ZEB2: variants seen among roughly 807,000 people sequenced by gnomAD.
ZEB2 encodes zinc finger E-box-binding homeobox 2.
In ZEB2, 6 loss-of-function variants were observed where a neutral mutation model predicts 99.9. The observed-to-expected ratio is 0.06, with a 90% confidence interval of 0.03 to 0.12. The LOEUF (loss-of-function observed/expected upper bound fraction) is 0.12, where lower values mean the gene tolerates loss of function less well. Ranked by LOEUF, ZEB2 falls within the 10% of genes least tolerant of loss-of-function variation. ZEB2 has a pLI of 1.00. For missense variants in ZEB2, 969 were observed against 1,502.8 expected, an observed-to-expected ratio of 0.64 and a Z score of 5.87; for synonymous variants, 517 against 542.5, an observed-to-expected ratio of 0.95 and a Z score of 0.65.
At chr2:144,462,331 A>C (rs1463055513) in intron 2 of ZEB2, 2 of 152,130 alleles carry the variant, frequency 1.3e-5, no homozygotes, top group African/African-American at 2.4e-5. Flanking sequence ...ATACAGTTTT[A>C]ACATGCCTGA....
chr2:144,396,400 A>T lies in ZEB2; in HGVS notation c.3067+12T>A. ...CGGGAAGCTCTAACCAGTTAGGCAA[A>T]GTCACTCATACCTGTGTGTTCGTAT... On this transcript the variant is annotated intron_variant, in intron 9 of 9. Coordinates refer to ENST00000627532, the MANE Select transcript of ZEB2 (RefSeq NM_014795.4). 6.2e-7 allele frequency: 1 copy of T among 1,612,754 alleles called. No homozygotes were observed. The highest frequency in any genetic ancestry group is 8.5e-7 in the Non-Finnish European group (1 of 1,179,938).
At position 144,385,578 on chromosome 2, in the gene ZEB2, A is replaced by G. The variant is rs1049398448; in HGVS notation, c.*3873T>C. ...TTGAATGTTTTTACATGTACATGGG[A>G]TCACATAGTCAAATAAATGCAGCTG... On this transcript the variant is annotated 3_prime_UTR_variant, in exon 10 of 10. Coordinates refer to ENST00000627532, the MANE Select transcript of ZEB2 (RefSeq NM_014795.4). 4 of 152,168 alleles carry G rather than the reference A, an allele frequency of 2.6e-5. No homozygotes were observed. The highest frequency in any genetic ancestry group is 5.9e-5 in the Non-Finnish European group (4 of 68,022). The allele number at this position is 152,168 out of a possible 1,614,324, so 9.4% of individuals were successfully genotyped here. A position where few individuals can be genotyped will look rare whatever the true frequency, so the allele number is the denominator to read the frequency against.
chr2:144,466,086 C>T (rs1040784662), intron 2 of ZEB2, among the ~76,000 whole-genome samples: 2 of 152,194 alleles, frequency 1.3e-5, no homozygotes, highest in African/African-American at 4.8e-5. Flanking sequence ...TCTCTTTTCG[C>T]AACCAAATGC....
intron 2 of ZEB2, among the ~76,000 whole-genome samples, chr2:144,460,220 G>A (rs557212181): frequency 7.9e-5 from 12 of 152,234 alleles, no homozygotes; most frequent in Admixed American, 3.3e-4. Context: ...CCATGGACAC[G>A]TCAGTGTTGT....
chr2:144,435,605 A>C (rs1485236391), intron 2 of ZEB2, among the ~76,000 whole-genome samples: 1 of 152,008 alleles, frequency 6.6e-6, no homozygotes, highest in Non-Finnish European at 1.5e-5. Flanking sequence ...TCTTTAAAAA[A>C]AAAAAAAAAA....
chr2:144,391,216 T>C (rs563732837), intron 9 of ZEB2, among the ~76,000 whole-genome samples: 7 of 152,236 alleles, frequency 4.6e-5, no homozygotes, highest in Admixed American at 3.9e-4. Flanking sequence ...TGTTATTGAA[T>C]GCCTCCAGGG....
chr2:144,442,988 T>C (rs1382615413), intron 2 of ZEB2, among the ~76,000 whole-genome samples: 2 of 152,180 alleles, frequency 1.3e-5, no homozygotes, highest in Non-Finnish European at 2.9e-5. Flanking sequence ...TTCAATGATA[T>C]TTAATTTTCA....
chr2:144,501,251 TG>T (rs1241323281), intron 2 of ZEB2, among the ~76,000 whole-genome samples: 1 of 152,156 alleles, frequency 6.6e-6, no homozygotes, highest in Non-Finnish European at 1.5e-5. Context: ...TACACTGCAT[TG>T]GTATCGTAGG....
At position 144,399,639 on chromosome 2, in the gene ZEB2, C is replaced by A; in HGVS notation, c.1548G>T (p.Val516=). Residue 516 remains valine, a synonymous_variant, in exon 8 of 10, where the codon GTG becomes GTT. Transcript: ENST00000627532. The surrounding 1 kb of genome is among the most constrained non-coding windows in gnomAD (Gnocchi z 5.6). ...PNIPPVGLPV[V]SHNGATKSII... is the part of the protein sequence containing the mutation. ...TACTTTTAGTGGCACCATTATGACTCACTACCGGAAGACCGACAGGCGGAA... is the reference window on the plus strand; with the variant it reads ...TACTTTTAGTGGCACCATTATGACTAACTACCGGAAGACCGACAGGCGGAA... 1 of 1,614,192 alleles carries A rather than the reference C, an allele frequency of 6.2e-7. No homozygotes were observed. The highest frequency in any genetic ancestry group is 1.1e-5 in the South Asian group (1 of 91,084).
intron 2 of ZEB2, among the ~76,000 whole-genome samples, chr2:144,478,221 C>G (rs1294981592): frequency 6.6e-6 from 1 of 152,220 alleles, no homozygotes; most frequent in African/African-American, 2.4e-5. Context: ...TAGGTAATTA[C>G]TTGAATCAAG....
At position 144,497,643 on chromosome 2, in the gene ZEB2, T is replaced by C. The variant is rs12691693; in HGVS notation, c.73+19635A>G. 0.54 allele frequency: 89,869 copies of C among 165,696 alleles called. 25,307 individuals carry two copies. The highest frequency in any genetic ancestry group is 0.62 in the Non-Finnish European group (42,130 of 67,946). 10.3% of individuals were successfully genotyped at this position (165,696 alleles called of 1,614,324 possible). A position where few individuals can be genotyped will look rare whatever the true frequency, so the allele number is the denominator to read the frequency against. On this transcript the variant is annotated intron_variant, in intron 2 of 9. Transcript: ENST00000627532. Reference sequence around the variant, plus strand: ...TTCAAAGAGGTGATGCTTGTAATAATAGCAGAATGAACTGAGTTAAGCTCA... The same window carrying C: ...TTCAAAGAGGTGATGCTTGTAATAACAGCAGAATGAACTGAGTTAAGCTCA...
intron 2 of ZEB2, among the ~76,000 whole-genome samples, chr2:144,472,970 C>A (rs1704379445): frequency 6.6e-6 from 1 of 151,750 alleles, no homozygotes. Flanking sequence ...ATGAATGGAC[C>A]AAAAACATAG....
intron 2 of ZEB2, among the ~76,000 whole-genome samples, chr2:144,482,567 C>T (rs143698087): frequency 2.7e-4 from 41 of 152,288 alleles, no homozygotes; most frequent in African/African-American, 9.4e-4. Flanking sequence ...TTCACATTTA[C>T]CATCATCCTC....
In ZEB2 at chr2:144,402,320, GC is replaced by G. The variant is rs1339877274; in HGVS notation, c.808-1014del. ...ACAGCACAGAAACGGTATGACAACT[GC>G]TAGGGTGTGCTGAATCTTCCCACAT... On this transcript the variant is annotated intron_variant, in intron 6 of 9. Coordinates refer to ENST00000627532, the MANE Select transcript of ZEB2 (RefSeq NM_014795.4). Among the ~76,000 whole-genome samples the G allele has an allele frequency of 2.6e-5, 4 of 152,272 alleles. No individual in the cohort carries two copies. In the East Asian group the frequency reaches 5.8e-4, roughly 22 times the overall value.
intron 2 of ZEB2, among the ~76,000 whole-genome samples, chr2:144,459,506 G>A (rs553110204): frequency 2.0e-5 from 3 of 152,204 alleles, no homozygotes; most frequent in East Asian, 3.9e-4. Flanking sequence ...AGGAGTGTGG[G>A]ACTTGGAACA....
At chr2:144,508,770 C>T (rs767462389) in intron 2 of ZEB2, among the ~76,000 whole-genome samples, 12 of 151,866 alleles carry the variant, frequency 7.9e-5, no homozygotes, top group Non-Finnish European at 1.2e-4. Context: ...TCCGAACTGG[C>T]CTCTCATAGC....
At chr2:144,471,173 A>T (rs1290724504) in intron 2 of ZEB2, among the ~76,000 whole-genome samples, 1 of 152,188 alleles carries the variant, frequency 6.6e-6, no homozygotes, top group Non-Finnish European at 1.5e-5. Flanking sequence ...AAGAAGAAGA[A>T]TATTTAGCGA....
rs1307639926 is a variant in ZEB2, at chr2:144,400,144, A to G, written c.1043T>C (p.Ile348Thr). ...AGAATTAGGGGAAGAACCCGTCTTG[A>G]TATTGTTTCTCATTCGGCCATTTAC... is the stretch of plus-strand genomic sequence containing the variant. ...ISVNGRMRNN[I>T]KTGSSPNSVS... is the part of the protein sequence containing the mutation. Residue 348 changes from isoleucine (I) to threonine (T), a missense_variant, in exon 8 of 10, where the codon ATC (isoleucine) becomes ACC (threonine). Physicochemically the swap from Ile to Thr is moderately conservative, Grantham distance 89 (BLOSUM62 -1). Transcript: ENST00000627532. 1.2e-6 allele frequency: 2 copies of G among 1,613,870 alleles called. No individual in the cohort carries two copies. The highest frequency in any genetic ancestry group is 3.3e-5 in the Admixed American group (2 of 59,998).
intron 4 of ZEB2, among the ~76,000 whole-genome samples, chr2:144,422,014 T>C (rs16823683): frequency 0.18 from 27,402 of 152,226 alleles, 2,719 homozygotes; most frequent in South Asian, 0.3. Context: ...CATGCAGATC[T>C]GTAATTTTGA....
Sources: gnomAD v4.1 joint callset for allele counts (sites outside exome capture counted in the v4.1 genomes callset) on GRCh38, gnomAD v4.1.1 for gene constraint, Gnocchi (gnomAD v3.1) non-coding constraint, MANE v1.5 for transcripts, NCBI Gene and HGNC (gene_info 2026-07-23, HGNC 2026-07-21) for gene names.